Variants in CEP70 observed in about 807,000 individuals in gnomAD.
The protein encoded by CEP70 is centrosomal protein of 70 kDa.
A neutral mutation model predicts 90.9 loss-of-function variants in CEP70; 70 were observed. That is an observed-to-expected ratio of 0.77 (90% confidence interval 0.64 to 0.94). CEP70 has a LOEUF of 0.94. Among genes scored for constraint, CEP70 ranks in the 40% least tolerant of loss-of-function variants. CEP70 has a pLI of 0.00. For synonymous variants in CEP70, 220 were observed against 228.3 expected (o/e 0.96, Z 0.33); for missense variants, 648 against 669.0 (o/e 0.97, Z 0.35).
chr3:138,545,443 G>A (rs2039109576), intron 6 of CEP70, among the ~76,000 whole-genome samples: 1 of 152,162 alleles, frequency 6.6e-6, no homozygotes, highest in African/African-American at 2.4e-5. Context: ...AGCTGAGAAT[G>A]TATGTCACCT....
At chr3:138,588,759 T>C (rs191410702) in intron 2 of CEP70, among the ~76,000 whole-genome samples, 1 of 152,346 alleles carries the variant, frequency 6.6e-6, no homozygotes, top group East Asian at 1.9e-4. Context: ...GAAAGCATTA[T>C]GTCCACACAA....
chr3:138,556,527 CAAAAAAAAAA>C (rs57583939), intron 6 of CEP70, among the ~76,000 whole-genome samples: 1 of 69,610 alleles, frequency 1.4e-5, no homozygotes, highest in Non-Finnish European at 2.5e-5. Flanking sequence ...GACTCTGTCT[CAAAAAAAAAA>C]AAAAAAAAAA....
At chr3:138,592,651 A>G (rs551757231) in intron 1 of CEP70, among the ~76,000 whole-genome samples, 9 of 152,268 alleles carry the variant, frequency 5.9e-5, no homozygotes, top group African/African-American at 2.2e-4. Flanking sequence ...ATCTTCTGGC[A>G]CTTTCTAGGT....
intron 11 of CEP70, among the ~76,000 whole-genome samples, chr3:138,518,799 C>T (rs2036312060): frequency 6.6e-6 from 1 of 152,200 alleles, no homozygotes; most frequent in Non-Finnish European, 1.5e-5. Flanking sequence ...AGCAATGCAG[C>T]TCCTCACCAG....
intron 12 of CEP70, among the ~76,000 whole-genome samples, chr3:138,506,616 A>G (rs116003932): frequency 0.017 from 2,587 of 152,336 alleles, 31 homozygotes; most frequent in Middle Eastern, 0.034. Flanking sequence ...TCATACTTCA[A>G]GATATAACTA....
rs1261264849 is a variant in CEP70, at chr3:138,503,246, T to A, written c.1221+2049A>T. 2.0e-5 allele frequency among the ~76,000 whole-genome samples: 3 copies of A among 152,132 alleles called. No homozygotes were observed. The East Asian group carries it at 5.8e-4, about 29-fold the overall frequency. On this transcript the variant is annotated intron_variant, in intron 13 of 17. Coordinates refer to ENST00000264982, the MANE Select transcript of CEP70 (RefSeq NM_024491.4). ...TTGTCTCTATGATTTTCACTAAGTATCTCATACAAGTGGAATCATATAAGT... is the reference window on the plus strand; with the variant it reads ...TTGTCTCTATGATTTTCACTAAGTAACTCATACAAGTGGAATCATATAAGT...
intron 6 of CEP70, among the ~76,000 whole-genome samples, chr3:138,544,048 G>A (rs371927330): frequency 1.4e-4 from 22 of 152,140 alleles, no homozygotes; most frequent in African/African-American, 3.4e-4. Context: ...CCACACTTTC[G>A]GAGGCTAAAG....
rs538333489 is a variant in CEP70 at position 138,545,200 on chromosome 3, C to A, written c.466-7853G>T. Among the ~76,000 whole-genome samples, 3 of 152,172 alleles carry A rather than the reference C, an allele frequency of 2.0e-5. No individual in the cohort carries two copies. In the South Asian group the frequency reaches 6.2e-4, roughly 32 times the overall value. On this transcript the variant is annotated intron_variant, in intron 6 of 17. Coordinates refer to ENST00000264982, the MANE Select transcript of CEP70 (RefSeq NM_024491.4). ...AAATTGTTGCGGGAAGTCAGGGACC[C>A]CAAATGGTGGGACCAACTGGACCCA...
At position 138,500,725 on chromosome 3, in the gene CEP70, T is replaced by A. The variant is rs113264564; in HGVS notation, c.1368+10A>T. 3.2e-6 allele frequency: 5 copies of A among 1,577,748 alleles called. No individual in the cohort carries two copies. The highest frequency in any genetic ancestry group is 1.2e-5 in the South Asian group (1 of 83,658). On this transcript the variant is annotated intron_variant, in intron 14 of 17. Coordinates refer to ENST00000264982, the MANE Select transcript of CEP70 (RefSeq NM_024491.4). ...AAACATTAGAAGGTGACCGTTCATG[T>A]AGGTATTACCTTTTCCTTATTTTCA...
chr3:138,580,321 G>C (rs1037894013), intron 2 of CEP70, among the ~76,000 whole-genome samples: 4 of 152,126 alleles, frequency 2.6e-5, no homozygotes, highest in African/African-American at 7.2e-5. Flanking sequence ...GCTCAGCACA[G>C]AGAGACTCCA....
intron 2 of CEP70, among the ~76,000 whole-genome samples, chr3:138,573,439 A>C (rs1284649543): frequency 6.6e-6 from 1 of 152,218 alleles, no homozygotes; most frequent in Non-Finnish European, 1.5e-5. Flanking sequence ...TAATATCTTC[A>C]ATGTGCTGAA....
rs564423679 is a variant in CEP70 at position 138,505,531 on chromosome 3, A to T, written c.1051-66T>A. ...TATGCCTACAAAGTTATATATTTTA[A>T]AGGAGTGCTTTATGTCTATATATAT... On this transcript the variant is annotated intron_variant, in intron 12 of 17. Coordinates refer to ENST00000264982, the MANE Select transcript of CEP70 (RefSeq NM_024491.4). 4.6e-5 allele frequency: 50 copies of T among 1,085,452 alleles called. No individual in the cohort carries two copies. The South Asian group carries it at 8.5e-4, about 19-fold the overall frequency. 67.2% of individuals were successfully genotyped at this position (1,085,452 alleles called of 1,614,324 possible). A position where few individuals can be genotyped will look rare whatever the true frequency, so the allele number is the denominator to read the frequency against.
At chr3:138,507,459 T>TA (rs1171725283) in intron 12 of CEP70, among the ~76,000 whole-genome samples, 1 of 152,008 alleles carries the variant, frequency 6.6e-6, no homozygotes, top group East Asian at 1.9e-4. Context: ...ATATAGCCAA[T>TA]AAAAAAAATT....
chr3:138,590,505 T>C (rs1043029180), intron 2 of CEP70, among the ~76,000 whole-genome samples: 2 of 152,164 alleles, frequency 1.3e-5, no homozygotes, highest in African/African-American at 4.8e-5. Flanking sequence ...AACCCGGGCA[T>C]TTTAAAGAAA....
At chr3:138,520,426 G>A (rs1470094423) in intron 11 of CEP70, among the ~76,000 whole-genome samples, 1 of 152,094 alleles carries the variant, frequency 6.6e-6, no homozygotes, top group South Asian at 2.1e-4. Flanking sequence ...CGACCACATA[G>A]TTGGAAGTAA....
At chr3:138,515,836 C>T (rs915434397) in intron 11 of CEP70, among the ~76,000 whole-genome samples, 4 of 152,116 alleles carry the variant, frequency 2.6e-5, no homozygotes, top group Non-Finnish European at 5.9e-5. Context: ...CTTTTTACTT[C>T]CCTACATCCT....
At chr3:138,501,320 G>C (rs536845198) in intron 13 of CEP70, among the ~76,000 whole-genome samples, 1 of 152,174 alleles carries the variant, frequency 6.6e-6, no homozygotes, top group African/African-American at 2.4e-5. Flanking sequence ...TTTACCCTAA[G>C]TATACAATTC....
intron 11 of CEP70, among the ~76,000 whole-genome samples, chr3:138,524,298 T>C (rs897158782): frequency 5.3e-5 from 8 of 151,644 alleles, no homozygotes; most frequent in Non-Finnish European, 8.8e-5. Context: ...GCAATACCAT[T>C]CAGGACATAG....
At chr3:138,593,424 T>A (rs536438503) in intron 1 of CEP70, among the ~76,000 whole-genome samples, 1 of 152,318 alleles carries the variant, frequency 6.6e-6, no homozygotes, top group East Asian at 1.9e-4. Context: ...GGTTTCATCA[T>A]GTTGGCCAGG....
Sources: gnomAD v4.1 joint callset for allele counts (sites outside exome capture counted in the v4.1 genomes callset) on GRCh38, gnomAD v4.1.1 for gene constraint, MANE v1.5 for transcripts, NCBI Gene and HGNC (gene_info 2026-07-23, HGNC 2026-07-21) for gene names.